HS2ST1: variants seen among roughly 807,000 people sequenced by gnomAD.
The protein encoded by HS2ST1 is heparan sulfate 2-O-sulfotransferase 1.
HS2ST1 carries 18 observed loss-of-function variants against 42.9 expected under a neutral mutation model. That is an observed-to-expected ratio of 0.42 (90% CI 0.29 to 0.62). The LOEUF (loss-of-function observed/expected upper bound fraction) is 0.62. Among genes scored for constraint, HS2ST1 ranks in the 20% least tolerant of loss-of-function variants. HS2ST1 has a pLI of 0.21. For synonymous variants in HS2ST1, 146 were observed against 152.9 expected, an observed-to-expected ratio of 0.95 and a Z score of 0.33; for missense variants, 334 against 433.8, an observed-to-expected ratio of 0.77 and a Z score of 2.04.
chr1:86,932,844 C>A (rs572060086), intron 1 of HS2ST1, among the ~76,000 whole-genome samples: 2 of 151,946 alleles, frequency 1.3e-5, no homozygotes, highest in African/African-American at 4.8e-5. Flanking sequence ...ATAATGTGCT[C>A]GTAAAATAAT....
At chr1:86,931,762 A>G (rs1346062940) in intron 1 of HS2ST1, among the ~76,000 whole-genome samples, 3 of 152,114 alleles carry the variant, frequency 2.0e-5, no homozygotes, top group South Asian at 4.1e-4. Context: ...ACATTTTGAC[A>G]TAATTTAACA....
intron 1 of HS2ST1, among the ~76,000 whole-genome samples, chr1:87,062,448 T>C (rs1651140849): frequency 6.6e-6 from 1 of 152,136 alleles, no homozygotes; most frequent in Non-Finnish European, 1.5e-5. Context: ...AAACCTTACC[T>C]CCACTTTTGT....
Position 86,986,224 on chromosome 1 carries a change from T to C in HS2ST1, c.124+71064T>C, listed in dbSNP as rs557045273. ...TCAGTGGGTTTTATTTTCAAGTAAC[T>C]TCTTATATAAATATTTATCTATGTA... On this transcript the variant is annotated intron_variant, in intron 1 of 6. Coordinates refer to ENST00000370550, the MANE Select transcript of HS2ST1 (RefSeq NM_012262.4). Among the ~76,000 whole-genome samples, 17 of 152,276 alleles carry C rather than the reference T, an allele frequency of 1.1e-4. No individual in the cohort carries two copies. In the East Asian group the frequency reaches 3.1e-3, roughly 28 times the overall value.
chr1:87,107,885 A>G lies in HS2ST1; in HGVS notation c.*3189A>G, dbSNP rs2100660871. 1 of 152,218 alleles carries G rather than the reference A, an allele frequency of 6.6e-6. No homozygotes were observed. Among genetic ancestry groups the G allele is most frequent in the Middle Eastern group, 3.4e-3 (1 of 294 alleles). 9.4% of individuals were successfully genotyped at this position (152,218 alleles called of 1,614,324 possible). ...CATGGGGATTACTTTCCTATCATCCATATGCATTTGTGCAACTTCAAACAT... is the reference window on the plus strand; with the variant it reads ...CATGGGGATTACTTTCCTATCATCCGTATGCATTTGTGCAACTTCAAACAT... On this transcript the variant is annotated 3_prime_UTR_variant, in exon 7 of 7. Coordinates refer to ENST00000370550, the MANE Select transcript of HS2ST1 (RefSeq NM_012262.4).
Position 87,106,341 on chromosome 1 carries a change from C to T in HS2ST1, c.*1645C>T, listed in dbSNP as rs41311182. On this transcript the variant is annotated 3_prime_UTR_variant, in exon 7 of 7. Transcript: ENST00000370550. Reference sequence around the variant, plus strand: ...CAGGAAGTTCACTGTTAGAAATAGGCTTTGTTAGCTGACTAGGGTCAGGGA... The same window carrying T: ...CAGGAAGTTCACTGTTAGAAATAGGTTTTGTTAGCTGACTAGGGTCAGGGA... 6.6e-6 allele frequency: 1 copy of T among 152,494 alleles called. No individual in the cohort carries two copies. The highest frequency in any genetic ancestry group is 1.5e-5 in the Non-Finnish European group (1 of 67,940). The allele number at this position is 152,494 out of a possible 1,614,324, so 9.4% of individuals were successfully genotyped here. A position where few individuals can be genotyped will look rare whatever the true frequency, so the allele number is the denominator to read the frequency against.
At chr1:87,077,191 A>G (rs1485138580) in intron 2 of HS2ST1, among the ~76,000 whole-genome samples, 1 of 152,224 alleles carries the variant, frequency 6.6e-6, no homozygotes, top group East Asian at 1.9e-4. Context: ...GGATATGGGA[A>G]GATGAATACT....
chr1:87,024,504 GA>G (rs375286763), intron 1 of HS2ST1, among the ~76,000 whole-genome samples: 4,674 of 107,206 alleles, frequency 0.044, 100 homozygotes, highest in Middle Eastern at 0.1. Context: ...CCGTCTCAAA[GA>G]AAAAAAAAAA....
chr1:86,922,615 C>G (rs1448182266), intron 1 of HS2ST1, among the ~76,000 whole-genome samples: 1 of 152,032 alleles, frequency 6.6e-6, no homozygotes, highest in Non-Finnish European at 1.5e-5. Flanking sequence ...GAATTCTAAG[C>G]TGACATTTTT....
At chr1:86,969,586 G>A (rs1648168350) in intron 1 of HS2ST1, among the ~76,000 whole-genome samples, 1 of 152,096 alleles carries the variant, frequency 6.6e-6, no homozygotes, top group East Asian at 1.9e-4. Flanking sequence ...TTAGAATTAT[G>A]ATCATATGAA....
At chr1:86,993,866 G>C (rs186334587) in intron 1 of HS2ST1, among the ~76,000 whole-genome samples, 13 of 152,184 alleles carry the variant, frequency 8.5e-5, no homozygotes, top group Middle Eastern at 3.4e-3. Context: ...CCAAAAGGTG[G>C]GGTAATATGG....
intron 1 of HS2ST1, among the ~76,000 whole-genome samples, chr1:86,970,064 G>A (rs890575186): frequency 5.3e-5 from 8 of 151,538 alleles, no homozygotes; most frequent in South Asian, 2.1e-4. Flanking sequence ...GGCAGAGATC[G>A]CGGTGAGTCA....
chr1:87,102,298 C>A (rs1652232637), intron 5 of HS2ST1, among the ~76,000 whole-genome samples: 1 of 151,972 alleles, frequency 6.6e-6, no homozygotes, highest in South Asian at 2.1e-4. Context: ...CCTGAGGTGA[C>A]CCGCCCACCT....
intron 1 of HS2ST1, among the ~76,000 whole-genome samples, chr1:86,953,534 C>T (rs560049483): frequency 2.6e-5 from 4 of 152,124 alleles, no homozygotes; most frequent in Non-Finnish European, 2.9e-5. Context: ...AGGCAGGCAG[C>T]GGATCACTTG....
At chr1:86,928,095 A>G (rs564347018) in intron 1 of HS2ST1, among the ~76,000 whole-genome samples, 101 of 152,206 alleles carry the variant, frequency 6.6e-4, no homozygotes, top group African/African-American at 2.3e-3. Flanking sequence ...TCAAACTAAA[A>G]TCTTGCTGCA....
intron 1 of HS2ST1, among the ~76,000 whole-genome samples, chr1:87,048,265 T>C (rs1650739230): frequency 6.6e-6 from 1 of 152,242 alleles, no homozygotes; most frequent in Non-Finnish European, 1.5e-5. Context: ...GCAACCTTGC[T>C]AAACTCATTA....
At chr1:87,097,493 A>G (rs949280043) in intron 4 of HS2ST1, among the ~76,000 whole-genome samples, 1 of 152,136 alleles carries the variant, frequency 6.6e-6, no homozygotes, top group African/African-American at 2.4e-5. Context: ...TCCTGGGTTC[A>G]AGCGATTCTC....
intron 1 of HS2ST1, among the ~76,000 whole-genome samples, chr1:86,973,570 A>G (rs1648301727): frequency 6.6e-6 from 1 of 152,184 alleles, no homozygotes; most frequent in South Asian, 2.1e-4. Flanking sequence ...AGAAAGGCAA[A>G]ACTAGTCTAC....
chr1:86,976,783 G>A (rs1333330715), intron 1 of HS2ST1, among the ~76,000 whole-genome samples: 1 of 128,642 alleles, frequency 7.8e-6, no homozygotes, highest in Non-Finnish European at 1.7e-5. Flanking sequence ...GAAAACCATG[G>A]CAGTGGGCTG....
chr1:87,064,632 G>A, intron 1 of HS2ST1: 1 of 450,352 alleles, frequency 2.2e-6, no homozygotes, highest in Non-Finnish European at 4.4e-6. Context: ...AGTCCCCCAT[G>A]GTGATTGTGC....
Sources: allele counts gnomAD v4.1 joint callset (sites outside exome capture counted in the v4.1 genomes callset), GRCh38; gene constraint gnomAD v4.1.1; transcripts MANE v1.5; gene names NCBI Gene and HGNC (gene_info 2026-07-23, HGNC 2026-07-21).